RPS28: variants seen among roughly 807,000 people sequenced by gnomAD.
RPS28 encodes the protein ribosomal protein S28, also known as small ribosomal subunit protein eS28.
RPS28 carries 2 observed loss-of-function variants against 9.4 expected under a neutral mutation model. That is an observed-to-expected ratio of 0.21 (90% CI 0.09 to 0.67). The LOEUF (loss-of-function observed/expected upper bound fraction) is 0.67. Ranked by LOEUF, RPS28 falls within the 30% of genes least tolerant of loss-of-function variation. The pLI is 0.82. For missense variants in RPS28, 35 were observed against 95.3 expected (o/e 0.37, Z 2.63); for synonymous variants, 41 against 37.8 (o/e 1.08, Z -0.31).
At position 8,322,437 on chromosome 19, in the gene RPS28, G is replaced by T; in HGVS notation, c.*182G>T. On this transcript the variant is annotated 3_prime_UTR_variant, in exon 4 of 4. Coordinates refer to ENST00000600659, the MANE Select transcript of RPS28 (RefSeq NM_001031.5). ...GGGTTATACGACTAGGGTTTCTCCAGGTTTCTTGAGTGGCTCCCAGGCGGT... is the reference window on the plus strand; with the variant it reads ...GGGTTATACGACTAGGGTTTCTCCATGTTTCTTGAGTGGCTCCCAGGCGGT... The T allele has an allele frequency of 1.9e-6, 1 of 539,470 alleles. No individual in the cohort carries two copies. The highest frequency in any genetic ancestry group is 3.5e-6 in the Non-Finnish European group (1 of 283,518). 33.4% of individuals were successfully genotyped at this position (539,470 alleles called of 1,614,324 possible).
chr19:8,322,214 G>A, intron 3 of RPS28, 58 bp from the exon 4 acceptor site: 2 of 1,133,022 alleles, frequency 1.8e-6, no homozygotes, highest in Middle Eastern at 1.9e-4. Context: ...AGAGGGAGGC[G>A]GGAGTTTGCC....
rs1319705546 is a variant in RPS28 at position 8,321,711 on chromosome 19, G to A, written c.87+8G>A. On this transcript the variant is annotated splice_region_variant and intron_variant, in intron 2 of 3. Transcript: ENST00000600659. The stretch of plus-strand genomic sequence containing the variant: ...CAGGGACAGTGCACGCAGGTAATCG[G>A]GTGGGGGCATTTGGCCGACTGCCGG... The A allele has an allele frequency of 1.3e-6, 2 of 1,561,546 alleles. No homozygotes were observed.
chr19:8,322,468 A>T lies in RPS28; in HGVS notation c.*213A>T. Reference sequence around the variant, plus strand: ...TTGAGTGGCTCCCAGGCGGTCACCGATCCTCCGCACTCTGGAAATCCTGGC... The same window carrying T: ...TTGAGTGGCTCCCAGGCGGTCACCGTTCCTCCGCACTCTGGAAATCCTGGC... On this transcript the variant is annotated 3_prime_UTR_variant, in exon 4 of 4. Transcript: ENST00000600659. The T allele has an allele frequency of 3.7e-6, 2 of 533,972 alleles. No individual in the cohort carries two copies. The highest frequency in any genetic ancestry group is 7.1e-6 in the Non-Finnish European group (2 of 281,322). The allele number at this position is 533,972 out of a possible 1,614,324, so 33.1% of individuals were successfully genotyped here. A position where few individuals can be genotyped will look rare whatever the true frequency, so the allele number is the denominator to read the frequency against.
rs1432046472 is a variant in RPS28, at chr19:8,322,332, T to A, written c.*77T>A. 4.9e-6 allele frequency: 3 copies of A among 607,502 alleles called. No homozygotes were observed. The highest frequency in any genetic ancestry group is 9.2e-6 in the Non-Finnish European group (3 of 326,726). The allele number at this position is 607,502 out of a possible 1,614,324, so 37.6% of individuals were successfully genotyped here. A position where few individuals can be genotyped will look rare whatever the true frequency, so the allele number is the denominator to read the frequency against. On this transcript the variant is annotated 3_prime_UTR_variant, in exon 4 of 4. Transcript: ENST00000600659. Reference sequence around the variant, plus strand: ...GGAATGGTCTGTCACAGTCTGCTCCTTTTTTTTGTCCGCCACACGTAACTG... The same window carrying A: ...GGAATGGTCTGTCACAGTCTGCTCCATTTTTTTGTCCGCCACACGTAACTG...
rs1266799839 is a variant in RPS28 at position 8,321,496 on chromosome 19, A to C, written c.-35A>C. The C allele has an allele frequency of 1.3e-6, 2 of 1,563,384 alleles. No individual in the cohort carries two copies. Among genetic ancestry groups the C allele is most frequent in the Non-Finnish European group, 1.7e-6 (2 of 1,155,920 alleles). ...ATAAAGGCTCTCCCCGAAGCACGTG[A>C]CTCCTCTCCGCCAGACCGCCGCCGC... On this transcript the variant is annotated 5_prime_UTR_variant, in exon 1 of 4. Transcript: ENST00000600659.
chr19:8,321,855 C>T (rs1158498554), intron 2 of RPS28, 98 bp from the exon 3 acceptor site: 2 of 1,539,110 alleles, frequency 1.3e-6, no homozygotes, highest in African/African-American at 1.4e-5. Context: ...TGTATTCTGG[C>T]CCCGACACGT....
chr19:8,321,528 A>G lies in RPS28; in HGVS notation c.-3A>G, dbSNP rs764178834. The G allele has an allele frequency of 3.8e-5, 60 of 1,586,162 alleles. No individual in the cohort carries two copies. The highest frequency in any genetic ancestry group is 3.1e-4 in the African/African-American group (23 of 74,330). ...TCCGCCAGACCGCCGCCGCGCCGCC[A>G]TCATGGACACCAGCCGTGTGCAGCC... On this transcript the variant is annotated 5_prime_UTR_variant, in exon 1 of 4. Transcript: ENST00000600659.
intron 1 of RPS28, 33 bp downstream of exon 1, chr19:8,321,602 G>A: frequency 6.4e-7 from 1 of 1,560,380 alleles, no homozygotes; most frequent in Non-Finnish European, 8.7e-7. Flanking sequence ...GGGGCAGGGG[G>A]AGGGATTAGA....
In RPS28 at chr19:8,321,764, C is replaced by T. The variant is rs1599635763; in HGVS notation, c.87+61C>T. On this transcript the variant is annotated intron_variant, in intron 2 of 3. Coordinates refer to ENST00000600659, the MANE Select transcript of RPS28 (RefSeq NM_001031.5). ...ACCTAAACCCTGATGTGACCTCTAC[C>T]CTGCCCTAACCCCTGCCAGCCGGAA... The T allele has an allele frequency of 3.9e-6, 6 of 1,523,898 alleles. No homozygotes were observed. In the East Asian group the frequency reaches 1.2e-4, roughly 30 times the overall value. 94.4% of individuals were successfully genotyped at this position (1,523,898 alleles called of 1,614,324 possible).
In RPS28 at chr19:8,321,936, C is replaced by G. The variant is rs1970324168; in HGVS notation, c.88-17C>G. 1 of 1,611,460 alleles carries G rather than the reference C, an allele frequency of 6.2e-7. No homozygotes were observed. ...GCCCGCCCTTACTTCTTCCTCCACTCCGGTGGGGACCCGTAGGTGCGCGTG... is the reference window on the plus strand; with the variant it reads ...GCCCGCCCTTACTTCTTCCTCCACTGCGGTGGGGACCCGTAGGTGCGCGTG... On this transcript the variant is annotated splice_polypyrimidine_tract_variant and intron_variant, in intron 2 of 3. Transcript: ENST00000600659.
rs4147644 is a variant in RPS28 at position 8,322,114 on chromosome 19, T to C, written c.*16+23T>C. 363,698 of 1,603,438 alleles carry C rather than the reference T, an allele frequency of 0.23. 43,153 individuals are homozygous for C. The highest frequency in any genetic ancestry group is 0.34 in the African/African-American group (25,521 of 74,658). On this transcript the variant is annotated intron_variant, in intron 3 of 3. Coordinates refer to ENST00000600659, the MANE Select transcript of RPS28 (RefSeq NM_001031.5). ...CTGGTGGGTGCAAAGAGGACACCCC[T>C]TTGATAGACCTTTGGTTGGTGGTAG...
At position 8,322,771 on chromosome 19, in the gene RPS28, G is replaced by A. The variant is rs187397141; in HGVS notation, c.*516G>A. The A allele has an allele frequency of 1.1e-3, 1,323 of 1,244,894 alleles. 16 individuals are homozygous for A. The highest frequency in any genetic ancestry group is 5.3e-3 in the Middle Eastern group (28 of 5,314). 77.1% of individuals were successfully genotyped at this position (1,244,894 alleles called of 1,614,324 possible). A position where few individuals can be genotyped will look rare whatever the true frequency, so the allele number is the denominator to read the frequency against. ...CAGGGGACCCTGGACCCTTCTGTGC[G>A]CCAAAGGCTGAGGTGACTGACGAGG... On this transcript the variant is annotated 3_prime_UTR_variant, in exon 4 of 4. Transcript: ENST00000600659.
At chr19:8,321,908 G>A in intron 2 of RPS28, 45 bp from the exon 3 acceptor site, 2 of 1,606,282 alleles carry the variant, frequency 1.2e-6, no homozygotes, top group Non-Finnish European at 1.7e-6. Flanking sequence ...GTGCCTTTCC[G>A]CGGCCCGCCC....
rs374431115 is a variant in RPS28, at chr19:8,322,088, G to T, written c.*13G>T. 1.6e-5 allele frequency: 26 copies of T among 1,610,862 alleles called. No homozygotes were observed. Among genetic ancestry groups the T allele is most frequent in the Non-Finnish European group, 2.1e-5 (25 of 1,178,134 alleles). The stretch of plus-strand genomic sequence containing the variant: ...GAGGTTGCGCTGAGCTTGGCTGCTC[G>T]CTGGTGGGTGCAAAGAGGACACCCC... On this transcript the variant is annotated 3_prime_UTR_variant, in exon 3 of 4. Coordinates refer to ENST00000600659, the MANE Select transcript of RPS28 (RefSeq NM_001031.5).
rs1459155483 is a variant in RPS28 at position 8,323,157 on chromosome 19, G to A, written c.*902G>A. 21 of 365,794 alleles carry A rather than the reference G, an allele frequency of 5.7e-5. No individual in the cohort carries two copies. In the East Asian group the frequency reaches 9.0e-4, roughly 16 times the overall value. The allele number at this position is 365,794 out of a possible 1,614,324, so 22.7% of individuals were successfully genotyped here. On this transcript the variant is annotated 3_prime_UTR_variant, in exon 4 of 4. Coordinates refer to ENST00000600659, the MANE Select transcript of RPS28 (RefSeq NM_001031.5). ...TTTACAATGGGTTACATTCCGGTGAGTACATCATAGGTTGAAAGTATTGCA... is the reference window on the plus strand; with the variant it reads ...TTTACAATGGGTTACATTCCGGTGAATACATCATAGGTTGAAAGTATTGCA...
At position 8,323,107 on chromosome 19, in the gene RPS28, T is replaced by C. The variant is rs542356926; in HGVS notation, c.*852T>C. 4.2e-6 allele frequency: 2 copies of C among 478,008 alleles called. No individual in the cohort carries two copies. Among genetic ancestry groups the C allele is most frequent in the African/African-American group, 4.1e-5 (2 of 49,268 alleles). 29.6% of individuals were successfully genotyped at this position (478,008 alleles called of 1,614,324 possible). A position where few individuals can be genotyped will look rare whatever the true frequency, so the allele number is the denominator to read the frequency against. On this transcript the variant is annotated 3_prime_UTR_variant, in exon 4 of 4. Coordinates refer to ENST00000600659, the MANE Select transcript of RPS28 (RefSeq NM_001031.5). ...GACCTTCCTCCCACATCCCTTCCAGTGGGGTGAGTACAGGTGTTCCTCAGT... is the reference window on the plus strand; with the variant it reads ...GACCTTCCTCCCACATCCCTTCCAGCGGGGTGAGTACAGGTGTTCCTCAGT...
At chr19:8,321,802 T>C in intron 2 of RPS28, 99 bp downstream of exon 2, 1 of 1,508,716 alleles carries the variant, frequency 6.6e-7, no homozygotes, top group Non-Finnish European at 9.0e-7. Context: ...CGGGAGCCGA[T>C]TCTCATTTCA....
chr19:8,323,272 G>A lies in RPS28; in HGVS notation c.*1017G>A, dbSNP rs1212138911. ...CTTGTTCAGAACGCCTTAGCCTGTA[G>A]TTGGGGAAACTCGTCTAACACGAAG... On this transcript the variant is annotated 3_prime_UTR_variant, in exon 4 of 4. Transcript: ENST00000600659. 1 of 181,750 alleles carries A rather than the reference G, an allele frequency of 5.5e-6. No homozygotes were observed. The highest frequency in any genetic ancestry group is 1.1e-5 in the Non-Finnish European group (1 of 87,520). 11.3% of individuals were successfully genotyped at this position (181,750 alleles called of 1,614,324 possible). A position where few individuals can be genotyped will look rare whatever the true frequency, so the allele number is the denominator to read the frequency against.
chr19:8,322,845 A>C lies in RPS28; in HGVS notation c.*590A>C. ...GTGAGCCAGACGAGGCAGCTTACTGAACCTGGGGGTTCTCTCCATTGTCAC... is the reference window on the plus strand; with the variant it reads ...GTGAGCCAGACGAGGCAGCTTACTGCACCTGGGGGTTCTCTCCATTGTCAC... On this transcript the variant is annotated 3_prime_UTR_variant, in exon 4 of 4. Transcript: ENST00000600659. 1 of 1,603,636 alleles carries C rather than the reference A, an allele frequency of 6.2e-7. No individual in the cohort carries two copies.
Sources: allele counts gnomAD v4.1 joint callset, GRCh38; gene constraint gnomAD v4.1.1; transcripts MANE v1.5; gene names NCBI Gene and HGNC (gene_info 2026-07-23, HGNC 2026-07-21).